The following PSD3 variants were observed in gnomAD, a reference collection of about 807,000 sequenced individuals.
PSD3 encodes pleckstrin and Sec7 domain containing 3.
PSD3 carries 49 observed loss-of-function variants against 105.5 expected under a neutral mutation model. The ratio of observed to expected loss-of-function variants is 0.46; its 90% CI spans 0.37 to 0.59. PSD3 has a LOEUF of 0.59. Ranked by LOEUF, PSD3 falls within the 20% of genes least tolerant of loss-of-function variation. The pLI, the probability that PSD3 is intolerant of heterozygous loss-of-function variation, is 0.00. For missense variants in PSD3, 1,561 were observed against 1,263.8 expected (o/e 1.24, Z -3.57); for synonymous variants, 557 against 457.8 (o/e 1.22, Z -2.77).
intron 1 of PSD3, among the ~76,000 whole-genome samples, chr8:19,073,859 C>T (rs775924886): frequency 9.3e-5 from 14 of 151,350 alleles, no homozygotes; most frequent in Admixed American, 2.0e-4. Context: ...GGTAGGATCT[C>T]GGCTCACTGC....
At chr8:18,842,551 G>T (rs1350597304) in intron 4 of PSD3, among the ~76,000 whole-genome samples, 1 of 152,084 alleles carries the variant, frequency 6.6e-6, no homozygotes, top group East Asian at 1.9e-4. Context: ...GGCTAACACG[G>T]TGAAACCCCG....
intron 1 of PSD3, among the ~76,000 whole-genome samples, chr8:18,990,388 T>C (rs1825724011): frequency 6.6e-6 from 1 of 152,102 alleles, no homozygotes; most frequent in Non-Finnish European, 1.5e-5. Context: ...CGCCTGGCCT[T>C]CTCTCAGTTC....
rs557369463 is a variant in PSD3 at position 18,566,463 on chromosome 8, T to C, written c.2784+6065A>G. On this transcript the variant is annotated intron_variant, in intron 14 of 15. Transcript: ENST00000327040. ...ATGGCATGAACCCGGGAGGTGGGGA[T>C]TGCAGTGAGCCGAGATCAAGCCACT... is the stretch of plus-strand genomic sequence containing the variant. 1.3e-3 allele frequency among the ~76,000 whole-genome samples: 191 copies of C among 149,656 alleles called. 1 individual carries two copies. Among genetic ancestry groups the C allele is most frequent in the Non-Finnish European group, 2.5e-3 (168 of 67,802 alleles).
intron 2 of PSD3, among the ~76,000 whole-genome samples, chr8:18,882,020 C>T (rs957109758): frequency 6.6e-6 from 1 of 152,020 alleles, no homozygotes; most frequent in African/African-American, 2.4e-5. Flanking sequence ...CCATCCTGGG[C>T]AAACAGGGAG....
chr8:19,022,738 G>A (rs1232164063), intron 1 of PSD3, among the ~76,000 whole-genome samples: 1 of 152,110 alleles, frequency 6.6e-6, no homozygotes, highest in Non-Finnish European at 1.5e-5. Context: ...CTCTTCCAGT[G>A]GAGAGTAGAG....
At chr8:18,566,256 G>T (rs1274284857) in intron 14 of PSD3, among the ~76,000 whole-genome samples, 2 of 152,176 alleles carry the variant, frequency 1.3e-5, no homozygotes, top group Non-Finnish European at 2.9e-5. Context: ...TGGGCAGGGT[G>T]GCTCACGCCT....
At chr8:18,582,762 T>G (rs1802898033) in intron 12 of PSD3, among the ~76,000 whole-genome samples, 1 of 151,672 alleles carries the variant, frequency 6.6e-6, no homozygotes, top group African/African-American at 2.4e-5. Flanking sequence ...CTGGTCTCTG[T>G]GTCTTTGATA....
At chr8:18,917,510 C>G (rs1431207726) in intron 2 of PSD3, among the ~76,000 whole-genome samples, 1 of 152,138 alleles carries the variant, frequency 6.6e-6, no homozygotes, top group Non-Finnish European at 1.5e-5. Context: ...AGACTTTAAG[C>G]AAAACGACCT....
intron 9 of PSD3, chr8:18,762,765 A>T: frequency 2.6e-6 from 1 of 383,832 alleles, no homozygotes; most frequent in Non-Finnish European, 4.4e-6. Context: ...AATATTAATT[A>T]AATCAACTGA....
intron 4 of PSD3, among the ~76,000 whole-genome samples, chr8:18,851,831 T>C (rs1007130634): frequency 2.6e-5 from 4 of 152,232 alleles, no homozygotes; most frequent in Non-Finnish European, 5.9e-5. Context: ...GACTAGAAAC[T>C]GACAGTGGAG....
At chr8:18,632,577 T>C (rs1806978249) in intron 11 of PSD3, 36 bp downstream of exon 11, 1 of 1,561,042 alleles carries the variant, frequency 6.4e-7, no homozygotes, top group Non-Finnish European at 8.7e-7. Flanking sequence ...AAAGATAAAA[T>C]AAATGAAATA....
chr8:19,013,550 C>T lies in PSD3; in HGVS notation c.21+13G>A, dbSNP rs375391575. 1.2e-5 allele frequency: 19 copies of T among 1,568,330 alleles called. No individual in the cohort carries two copies. The highest frequency in any genetic ancestry group is 5.6e-5 in the African/African-American group (4 of 71,830). ...TGCGCACCCCGCGCCCGCGCCCCGG[C>T]CCCGGAGCTCACCGCTGCGCTCCTT... On this transcript the variant is annotated intron_variant, in intron 1 of 15. Coordinates refer to ENST00000327040, the MANE Select transcript of PSD3 (RefSeq NM_015310.4).
At chr8:18,828,413 C>G (rs912781929) in intron 4 of PSD3, among the ~76,000 whole-genome samples, 3 of 152,082 alleles carry the variant, frequency 2.0e-5, no homozygotes, top group Non-Finnish European at 2.9e-5. Flanking sequence ...CAGCAACAAC[C>G]AAGTGACCAC....
intron 8 of PSD3, among the ~76,000 whole-genome samples, chr8:18,778,777 A>T (rs988876006): frequency 6.6e-6 from 1 of 152,088 alleles, no homozygotes; most frequent in African/African-American, 2.4e-5. Flanking sequence ...TACATATAAT[A>T]AACCATCCTA....
chr8:18,646,444 T>C (rs11984798), intron 10 of PSD3, among the ~76,000 whole-genome samples: 3,391 of 152,218 alleles, frequency 0.022, 125 homozygotes, highest in African/African-American at 0.077. Context: ...CAAATAATTT[T>C]ATGTCAAGGT....
chr8:19,074,761 C>T (rs553317056), intron 1 of PSD3, among the ~76,000 whole-genome samples: 119 of 150,726 alleles, frequency 7.9e-4, no homozygotes, highest in African/African-American at 2.7e-3. Context: ...GCTGGGACTA[C>T]AAGCGCCCAC....
chr8:18,744,476 T>G (rs2129435610), intron 9 of PSD3, among the ~76,000 whole-genome samples: 1 of 152,364 alleles, frequency 6.6e-6, no homozygotes, highest in East Asian at 1.9e-4. Context: ...ATAACTGATG[T>G]AATCCTTCAC....
At chr8:18,595,435 G>A (rs1452998638) in intron 12 of PSD3, among the ~76,000 whole-genome samples, 1 of 85,926 alleles carries the variant, frequency 1.2e-5, no homozygotes. Context: ...GTGGTTGAAT[G>A]TATTGAGAGA....
At chr8:18,662,432 G>A (rs1460988142) in intron 9 of PSD3, among the ~76,000 whole-genome samples, 1 of 152,072 alleles carries the variant, frequency 6.6e-6, no homozygotes, top group Non-Finnish European at 1.5e-5. Context: ...TACTTACAAT[G>A]TGTGAGACAC....
Sources: allele counts gnomAD v4.1 joint callset (sites outside exome capture counted in the v4.1 genomes callset), GRCh38; gene constraint gnomAD v4.1.1; transcripts MANE v1.5; gene names NCBI Gene and HGNC (gene_info 2026-07-23, HGNC 2026-07-21).